The following RBM19 variants were observed in gnomAD, a reference collection of about 807,000 sequenced individuals.
The protein encoded by RBM19 is RNA binding motif protein 19.
RBM19 carries 94 observed loss-of-function variants against 116.8 expected under a neutral mutation model. The observed-to-expected ratio is 0.80, with a 90% confidence interval of 0.68 to 0.95. The LOEUF is 0.95. RBM19 is among the 40% of genes least tolerant of loss of function. RBM19 has a pLI of 0.00. For missense variants in RBM19, 1,161 were observed against 1,220.7 expected (o/e 0.95, Z 0.73); for synonymous variants, 475 against 494.1 (o/e 0.96, Z 0.51).
intron 21 of RBM19, among the ~76,000 whole-genome samples, chr12:113,901,701 G>T (rs998263503): frequency 1.3e-5 from 2 of 151,914 alleles, no homozygotes; most frequent in African/African-American, 4.8e-5. Context: ...TTTTGGTAGA[G>T]ACGGGGTTTC....
intron 22 of RBM19, among the ~76,000 whole-genome samples, chr12:113,857,140 G>A (rs564349233): frequency 1.5e-3 from 228 of 152,278 alleles, no homozygotes; most frequent in African/African-American, 5.2e-3. Context: ...CACCATCACT[G>A]CCCAATCCCC....
At chr12:113,908,364 C>T (rs1321144227) in intron 21 of RBM19, among the ~76,000 whole-genome samples, 2 of 151,862 alleles carry the variant, frequency 1.3e-5, no homozygotes, top group Non-Finnish European at 2.9e-5. Context: ...AAGCTGTCCT[C>T]GGCCCTCCTT....
At chr12:113,855,509 G>A (rs4767148) in intron 22 of RBM19, among the ~76,000 whole-genome samples, 10,043 of 152,254 alleles carry the variant, frequency 0.066, 649 homozygotes, top group East Asian at 0.34. Context: ...TTCATCGAGG[G>A]TGCCATGACA....
At chr12:113,868,589 C>T (rs967467767) in intron 21 of RBM19, among the ~76,000 whole-genome samples, 16 of 152,116 alleles carry the variant, frequency 1.1e-4, no homozygotes, top group Non-Finnish European at 1.0e-4. Context: ...GAGGATTTCT[C>T]TGGGAAAGGA....
chr12:113,843,898 G>A (rs1456219400), intron 23 of RBM19, among the ~76,000 whole-genome samples: 1 of 152,116 alleles, frequency 6.6e-6, no homozygotes, highest in East Asian at 1.9e-4. Context: ...CACACATACC[G>A]AGCTTGCTCC....
At chr12:113,872,380 T>A (rs1879290857) in intron 21 of RBM19, among the ~76,000 whole-genome samples, 2 of 145,518 alleles carry the variant, frequency 1.4e-5, no homozygotes, top group Non-Finnish European at 3.0e-5. Flanking sequence ...AGCCACCCCG[T>A]CCGGGAGGGA....
chr12:113,914,015 T>C (rs1434315412), intron 21 of RBM19, among the ~76,000 whole-genome samples: 1 of 152,238 alleles, frequency 6.6e-6, no homozygotes. Flanking sequence ...AGGACGTTTC[T>C]TTCATTCATG....
chr12:113,937,195 G>A, intron 15 of RBM19, 59 bp from the exon 16 acceptor site: 1 of 1,594,676 alleles, frequency 6.3e-7, no homozygotes, highest in South Asian at 1.1e-5. Context: ...GCTGGGGAGG[G>A]ACTCAGTCCC....
At chr12:113,965,009 C>T (rs1305157737) in intron 1 of RBM19, among the ~76,000 whole-genome samples, 1 of 151,730 alleles carries the variant, frequency 6.6e-6, no homozygotes, top group Non-Finnish European at 1.5e-5. Context: ...CAGTGGCTCA[C>T]GCCTGTAATC....
chr12:113,875,695 G>A (rs1244716129), intron 21 of RBM19, among the ~76,000 whole-genome samples: 1 of 152,212 alleles, frequency 6.6e-6, no homozygotes, highest in Non-Finnish European at 1.5e-5. Flanking sequence ...AGAGAAAGAC[G>A]AGAAAAATCA....
rs1872283819 is a variant in RBM19 at position 113,959,398 on chromosome 12, C to G, written c.385G>C (p.Glu129Gln). The change falls in exon 5 of 24, where the codon GAG becomes CAG. Residue 129 changes from glutamate to glutamine, a missense_variant. Glu to Gln is a conservative substitution (Grantham distance 29, BLOSUM62 2). Transcript: ENST00000261741. ...KVAGQLEKLK[E>Q]DTEFQEFLSV... ...AGAAACTCCTGGAACTCTGTATCCT[C>G]CTTCAGCTGGTGGCACCAGAACCCG... is the stretch of plus-strand genomic sequence containing the variant. 1 of 1,599,528 alleles carries G rather than the reference C, an allele frequency of 6.3e-7. No homozygotes were observed.
intron 23 of RBM19, among the ~76,000 whole-genome samples, chr12:113,835,987 C>T (rs1348554824): frequency 6.6e-6 from 1 of 152,222 alleles, no homozygotes; most frequent in Non-Finnish European, 1.5e-5. Flanking sequence ...CGGCTGCGCT[C>T]GCAGGTACTG....
Position 113,924,738 on chromosome 12 carries a change from G to A in RBM19, c.2264C>T (p.Thr755Ile). 6.4e-7 allele frequency: 1 copy of A among 1,552,460 alleles called. No homozygotes were observed. Among genetic ancestry groups the A allele is most frequent in the Non-Finnish European group, 8.9e-7 (1 of 1,124,050 alleles). Residue 755 changes from threonine (T) to isoleucine (I), a missense_variant, in exon 18 of 24, where the codon ACA (threonine) becomes ATA (isoleucine). Transcript: ENST00000261741. ...KLKEVFSKVG[T>I]VKSCSISKKK... ...CTTGGAGATGGAGCAGCTCTTCACT[G>A]TCCCCACTTTTGAAAACACCTGGAT...
chr12:113,883,223 AC>A (rs1880277585), intron 21 of RBM19, among the ~76,000 whole-genome samples: 1 of 152,250 alleles, frequency 6.6e-6, no homozygotes, highest in Non-Finnish European at 1.5e-5. Context: ...AGTGACAGTG[AC>A]AGTAGGAAAT....
chr12:113,892,932 A>G (rs977166994), intron 21 of RBM19, among the ~76,000 whole-genome samples: 1 of 152,112 alleles, frequency 6.6e-6, no homozygotes, highest in Admixed American at 6.6e-5. Context: ...ACTCACCAAT[A>G]ATGATCTTTA....
chr12:113,904,267 A>G (rs764873404), intron 21 of RBM19, among the ~76,000 whole-genome samples: 2 of 152,190 alleles, frequency 1.3e-5, no homozygotes, highest in African/African-American at 2.4e-5. Context: ...ATGCTTGCTG[A>G]AGATAGGCAT....
At chr12:113,862,453 G>T (rs1343247316) in intron 21 of RBM19, among the ~76,000 whole-genome samples, 1 of 150,056 alleles carries the variant, frequency 6.7e-6, no homozygotes, top group Non-Finnish European at 1.5e-5. Context: ...GAATTAAAAA[G>T]AAAAAAAAAG....
At chr12:113,839,650 C>A (rs933320297) in intron 23 of RBM19, among the ~76,000 whole-genome samples, 2 of 152,324 alleles carry the variant, frequency 1.3e-5, no homozygotes, top group African/African-American at 4.8e-5. Flanking sequence ...CCCCTCACTG[C>A]AAGGGATTTA....
At chr12:113,818,784 C>T (rs1158324195), downstream of RBM19, among the ~76,000 whole-genome samples, 1 of 152,198 alleles carries the variant, frequency 6.6e-6, no homozygotes, top group African/African-American at 2.4e-5. Flanking sequence ...TTCCGCTCTC[C>T]TCCTCCCGTC....
Sources: gnomAD v4.1 joint callset for allele counts (sites outside exome capture counted in the v4.1 genomes callset) on GRCh38, gnomAD v4.1.1 for gene constraint, MANE v1.5 for transcripts, NCBI Gene and HGNC (gene_info 2026-07-23, HGNC 2026-07-21) for gene names.